SATB1: variants seen among roughly 807,000 people sequenced by gnomAD.
SATB1 encodes the protein SATB homeobox 1.
SATB1 carries 11 observed loss-of-function variants against 86.9 expected under a neutral mutation model. The ratio of observed to expected loss-of-function variants is 0.13; its 90% CI spans 0.08 to 0.21. The LOEUF (loss-of-function observed/expected upper bound fraction) is 0.21, where lower values mean the gene tolerates loss of function less well. Ranked by LOEUF, SATB1 falls within the 10% of genes least tolerant of loss-of-function variation. The pLI is 1.00. For synonymous variants in SATB1, 357 were observed against 357.2 expected (o/e 1.00, Z 0.01); for missense variants, 551 against 937.6 (o/e 0.59, Z 5.39).
At chr3:18,395,080 T>A (rs1001329742) in intron 6 of SATB1, among the ~76,000 whole-genome samples, 164 bp from the exon 7 acceptor site, 5 of 152,260 alleles carry the variant, frequency 3.3e-5, no homozygotes, top group Non-Finnish European at 7.4e-5. Context: ...GTGTTTTTGC[T>A]CTCCTTTCCT....
In SATB1 at chr3:18,420,814, T is replaced by A. The variant is rs1037766711; in HGVS notation, c.154A>T (p.Met52Leu). 1.2e-5 allele frequency: 19 copies of A among 1,614,170 alleles called. No individual in the cohort carries two copies. The highest frequency in any genetic ancestry group is 1.5e-5 in the Non-Finnish European group (18 of 1,180,018). Reference protein sequence around the residue: ...RGRLGSTGAKMQGVPLKHSGH... With the variant: ...RGRLGSTGAKLQGVPLKHSGH... ...GAGTGTTTTAAAGGCACTCCCTGCA[T>A]TTTTGCACCTGTACTCCCAAGCCTT... Residue 52 changes from methionine (M) to leucine (L), a missense_variant, in exon 2 of 11, where the codon ATG (methionine) becomes TTG (leucine). By Grantham distance (15) the Met-to-Leu change is conservative. This residue lies in a region of SATB1 where 153 missense variants were observed against 258.1 expected (regional missense o/e 0.59). Transcript: ENST00000338745.
rs369928384 is a variant in SATB1, at chr3:18,394,602, A to G, written c.1066T>C (p.Ser356Pro). The G allele has an allele frequency of 4.3e-6, 7 of 1,614,054 alleles. No individual in the cohort carries two copies. Among genetic ancestry groups the G allele is most frequent in the East Asian group, 2.2e-5 (1 of 44,884 alleles). ...TGTTGCTCCAAAGGCTTATTCATAG[A>G]TCTACTGACAGGGGGAGGGTGGTTC... ...YLNHPPPVSR[S>P]MNKPLEQQVS... Residue 356 changes from serine (S) to proline (P), a missense_variant, in exon 7 of 11, where the codon TCT becomes CCT. Ser to Pro is a moderately conservative substitution (Grantham distance 74). This residue lies in a region of SATB1 where 119 missense variants were observed against 171.1 expected (regional missense o/e 0.70). Coordinates refer to ENST00000338745, the MANE Select transcript of SATB1 (RefSeq NM_002971.6). The surrounding 1 kb of genome is among the most constrained non-coding windows in gnomAD (Gnocchi z 5.9).
At chr3:18,445,174 G>T in intron 1 of SATB1, 1 of 959,236 alleles carries the variant, frequency 1.0e-6, no homozygotes, top group Non-Finnish European at 1.2e-6. Context: ...CAGCGGGGCG[G>T]CCAGGGCCCG....
At chr3:18,413,665 C>T (rs1697979714) in intron 5 of SATB1, among the ~76,000 whole-genome samples, 1 of 152,008 alleles carries the variant, frequency 6.6e-6, no homozygotes, top group African/African-American at 2.4e-5. Flanking sequence ...CATATCCTCT[C>T]TATTCCAAGG....
At chr3:18,428,137 CTG>C (rs1698771118), upstream of SATB1, among the ~76,000 whole-genome samples, 2 of 152,204 alleles carry the variant, frequency 1.3e-5, no homozygotes, top group Non-Finnish European at 2.9e-5. Context: ...ATTTCTTACA[CTG>C]TGGAGGCTGA....
chr3:18,392,412 A>C (rs1184386945), intron 7 of SATB1, among the ~76,000 whole-genome samples: 1 of 152,194 alleles, frequency 6.6e-6, no homozygotes, highest in East Asian at 1.9e-4. Context: ...GAAAAGCTGT[A>C]ATGATGGGTG....
chr3:18,417,821 T>C, intron 2 of SATB1: 1 of 569,020 alleles, frequency 1.8e-6, no homozygotes, highest in Non-Finnish European at 3.1e-6. Flanking sequence ...GTAAATAAGG[T>C]AAAAATGAGA....
At chr3:18,360,958 T>C (rs1040462498) in intron 9 of SATB1, among the ~76,000 whole-genome samples, 8 of 152,114 alleles carry the variant, frequency 5.3e-5, no homozygotes, top group African/African-American at 9.7e-5. Context: ...GAATTCTTCA[T>C]TGATGAAGAG....
At chr3:18,391,881 A>T (rs956365409) in intron 7 of SATB1, among the ~76,000 whole-genome samples, 1 of 152,178 alleles carries the variant, frequency 6.6e-6, no homozygotes, top group African/African-American at 2.4e-5. Flanking sequence ...GCAGCTGTGT[A>T]TGTATGTGTG....
intron 5 of SATB1, among the ~76,000 whole-genome samples, chr3:18,412,854 C>T (rs1697925464): frequency 6.6e-6 from 1 of 151,950 alleles, no homozygotes; most frequent in African/African-American, 2.4e-5. Flanking sequence ...AAAATTCTGA[C>T]TGGAGTATCA....
At chr3:18,358,271 TA>T (rs1694750808) in intron 9 of SATB1, among the ~76,000 whole-genome samples, 1 of 152,042 alleles carries the variant, frequency 6.6e-6, no homozygotes, top group Non-Finnish European at 1.5e-5. Context: ...ACACTTGTCT[TA>T]AGATATTGTT....
chr3:18,420,816 T>C lies in SATB1; in HGVS notation c.152A>G (p.Lys51Arg). ...GRGRLGSTGAKMQGVPLKHSG... is the reference protein window; with the variant it reads ...GRGRLGSTGARMQGVPLKHSG... ...GTGTTTTAAAGGCACTCCCTGCATT[T>C]TTGCACCTGTACTCCCAAGCCTTCC... The change falls in exon 2 of 11, where the codon AAA (lysine) becomes AGA (arginine). Residue 51 changes from lysine to arginine, a missense_variant. Physicochemically the swap from Lys to Arg is conservative, Grantham distance 26. Around this residue, in one of 8 missense-constraint regions of SATB1, gnomAD observed 153 missense variants for 258.1 expected, o/e 0.59. Transcript: ENST00000338745. 2 of 1,614,154 alleles carry C rather than the reference T, an allele frequency of 1.2e-6. No homozygotes were observed. The highest frequency in any genetic ancestry group is 1.7e-6 in the Non-Finnish European group (2 of 1,180,032).
At chr3:18,398,895 C>T (rs1321191413) in intron 5 of SATB1, among the ~76,000 whole-genome samples, 3 of 152,074 alleles carry the variant, frequency 2.0e-5, no homozygotes, top group African/African-American at 7.2e-5. Context: ...AAAACCAGAG[C>T]CAGAAGATTA....
chr3:18,351,379 T>C (rs1453514396), intron 10 of SATB1: 3 of 1,554,868 alleles, frequency 1.9e-6, no homozygotes, highest in East Asian at 4.7e-5. Context: ...CTCTAGACTC[T>C]CCTTTCCCAA....
chr3:18,408,164 A>G (rs980957419), intron 5 of SATB1, among the ~76,000 whole-genome samples: 2 of 152,016 alleles, frequency 1.3e-5, no homozygotes, highest in African/African-American at 4.8e-5. Flanking sequence ...AAAATAATCA[A>G]TTTTTTTAAG....
chr3:18,381,010 T>G (rs549932025), intron 8 of SATB1, among the ~76,000 whole-genome samples: 4 of 152,190 alleles, frequency 2.6e-5, no homozygotes, highest in African/African-American at 4.8e-5. Context: ...ATAAATGCAG[T>G]TGCTTTCAGA....
In SATB1 at chr3:18,386,633, G is replaced by A; in HGVS notation, c.1207-22C>T. The stretch of plus-strand genomic sequence containing the variant: ...AGCCCTGCAAGAAATGAAAGGCACA[G>A]GGTGAGCCTGCTGCCTTGCTTTGCC... On this transcript the variant is annotated intron_variant, in intron 7 of 10. Coordinates refer to ENST00000338745, the MANE Select transcript of SATB1 (RefSeq NM_002971.6). The surrounding 1 kb of genome is among the most constrained non-coding windows in gnomAD (Gnocchi z 4.5). 6.3e-7 allele frequency: 1 copy of A among 1,591,634 alleles called. No individual in the cohort carries two copies. The highest frequency in any genetic ancestry group is 8.6e-7 in the Non-Finnish European group (1 of 1,159,938).
chr3:18,439,269 G>C (rs541837203), upstream of SATB1, among the ~76,000 whole-genome samples: 1 of 152,180 alleles, frequency 6.6e-6, no homozygotes, highest in African/African-American at 2.4e-5. Flanking sequence ...TTAGAATTTC[G>C]CTTCTGAACT....
chr3:18,395,798 G>A (rs1238541855), intron 6 of SATB1, among the ~76,000 whole-genome samples: 1 of 152,160 alleles, frequency 6.6e-6, no homozygotes, highest in African/African-American at 2.4e-5. Flanking sequence ...CCTTGGCTAG[G>A]TTCCTCATAT....
Sources: gnomAD v4.1 joint callset for allele counts (sites outside exome capture counted in the v4.1 genomes callset) on GRCh38, gnomAD v4.1.1 for gene constraint, gnomAD v4.1.1 regional missense constraint, Gnocchi (gnomAD v3.1) non-coding constraint, MANE v1.5 for transcripts, NCBI Gene and HGNC (gene_info 2026-07-23, HGNC 2026-07-21) for gene names.